RPN1: variants seen among roughly 807,000 people sequenced by gnomAD.
RPN1 encodes dolichyl-diphosphooligosaccharide--protein glycosyltransferase subunit 1.
In RPN1, 12 loss-of-function variants were observed where a neutral mutation model predicts 55.5. The observed-to-expected ratio is 0.22, with a 90% confidence interval of 0.14 to 0.35. RPN1 has a LOEUF of 0.35. Among genes scored for constraint, RPN1 ranks in the 10% least tolerant of loss-of-function variants. RPN1 has a pLI of 1.00. For missense variants in RPN1, 679 were observed against 761.3 expected (o/e 0.89, Z 1.27); for synonymous variants, 317 against 305.9 (o/e 1.04, Z -0.38).
chr3:128,625,815 C>A, intron 7 of RPN1, 59 bp downstream of exon 7: 1 of 1,558,272 alleles, frequency 6.4e-7, no homozygotes, highest in South Asian at 1.2e-5. Flanking sequence ...GAGTTCTTGG[C>A]CCCCAGAGCC....
intron 9 of RPN1, among the ~76,000 whole-genome samples, chr3:128,621,708 A>C (rs968074791): frequency 3.3e-5 from 5 of 152,124 alleles, no homozygotes; most frequent in Non-Finnish European, 4.4e-5. Flanking sequence ...CACACTCAGA[A>C]CCCCTATGAG....
intron 3 of RPN1, among the ~76,000 whole-genome samples, chr3:128,634,102 G>C (rs1057347898): frequency 2.6e-5 from 4 of 151,682 alleles, no homozygotes; most frequent in Non-Finnish European, 5.9e-5. Context: ...AAAGTGGGTA[G>C]ATCACTTGAG....
intron 1 of RPN1, among the ~76,000 whole-genome samples, chr3:128,645,985 C>G (rs2069763886): frequency 6.6e-6 from 1 of 152,148 alleles, no homozygotes. Flanking sequence ...TGGCTCACAC[C>G]TGTAATCCCA....
intron 1 of RPN1, among the ~76,000 whole-genome samples, chr3:128,647,565 A>C (rs1270905990): frequency 6.6e-6 from 1 of 151,958 alleles, no homozygotes; most frequent in East Asian, 1.9e-4. Flanking sequence ...AGTGGTGCGC[A>C]CATGTAGTCC....
At chr3:128,637,561 AT>A (rs2069689850) in intron 3 of RPN1, among the ~76,000 whole-genome samples, 1 of 151,832 alleles carries the variant, frequency 6.6e-6, no homozygotes, top group African/African-American at 2.4e-5. Flanking sequence ...CCTTGCTTCC[AT>A]CTCCAACACC....
chr3:128,642,078 G>T (rs997336876), intron 2 of RPN1, among the ~76,000 whole-genome samples: 2 of 152,152 alleles, frequency 1.3e-5, no homozygotes, highest in African/African-American at 4.8e-5. Flanking sequence ...TATCCAAGAC[G>T]CTACAAGCCA....
chr3:128,630,312 G>GCGT (rs558468027), intron 4 of RPN1, among the ~76,000 whole-genome samples, 169 bp from the exon 5 acceptor site: 38 of 152,306 alleles, frequency 2.5e-4, no homozygotes, highest in Non-Finnish European at 4.6e-4. Flanking sequence ...ACAAAGGTTT[G>GCGT]CGTCGACTTC....
Position 128,620,347 on chromosome 3 carries a change from A to AC in RPN1, c.*63dup. 1 of 1,503,250 alleles carries AC rather than the reference A, an allele frequency of 6.7e-7. No homozygotes were observed. The highest frequency in any genetic ancestry group is 9.0e-7 in the Non-Finnish European group (1 of 1,107,778). 93.1% of individuals were successfully genotyped at this position (1,503,250 alleles called of 1,614,324 possible). A position where few individuals can be genotyped will look rare whatever the true frequency, so the allele number is the denominator to read the frequency against. On this transcript the variant is annotated 3_prime_UTR_variant, in exon 10 of 10. Transcript: ENST00000296255. Reference sequence around the variant, plus strand: ...CCTCCATGCACAACCTCCCACTACCACCCAATCTGCCTGCCACAGCAAAGT... The same window carrying AC: ...CCTCCATGCACAACCTCCCACTACCACCCCAATCTGCCTGCCACAGCAAAGT...
In RPN1 at chr3:128,625,877, A is replaced by T; in HGVS notation, c.1272T>A (p.Ile424=). 6.2e-7 allele frequency: 1 copy of T among 1,609,928 alleles called. No individual in the cohort carries two copies. The highest frequency in any genetic ancestry group is 8.5e-7 in the Non-Finnish European group (1 of 1,178,128). The change falls in exon 7 of 10, where the codon ATT becomes ATA. Residue 424 remains isoleucine, a synonymous_variant. Transcript: ENST00000296255. ...GGCAAACAGTGGAGCCACTCACCAC[A>T]ATGTCCTGAATGTGCTGTTCTACCA... ...KNLVEQHIQD[I]VVHYTFNKVL...
intron 8 of RPN1, among the ~76,000 whole-genome samples, chr3:128,624,544 C>G (rs1015989819): frequency 1.3e-5 from 2 of 151,878 alleles, no homozygotes; most frequent in African/African-American, 2.4e-5. Flanking sequence ...CACAGTTCGG[C>G]TGGATCAACA....
intron 8 of RPN1, 22 bp from the exon 9 acceptor site, chr3:128,622,431 T>C (rs2069567181): frequency 1.2e-6 from 2 of 1,613,204 alleles, no homozygotes; most frequent in Non-Finnish European, 1.7e-6. Context: ...AGAGGCACCA[T>C]GTGTGACAAC....
chr3:128,620,691 C>T, intron 9 of RPN1, 98 bp from the exon 10 acceptor site: 8 of 1,278,796 alleles, frequency 6.3e-6, no homozygotes, highest in Non-Finnish European at 8.7e-6. Flanking sequence ...CAGAGCTCCA[C>T]AGGTATCAGC....
intron 3 of RPN1, among the ~76,000 whole-genome samples, chr3:128,634,531 A>C (rs1401010577): frequency 6.6e-6 from 1 of 151,134 alleles, no homozygotes; most frequent in East Asian, 1.9e-4. Flanking sequence ...CTGACCTCAA[A>C]TCTTCCTTTT....
At chr3:128,630,611 C>CA (rs2069634046) in intron 4 of RPN1, among the ~76,000 whole-genome samples, 1 of 151,936 alleles carries the variant, frequency 6.6e-6, no homozygotes, top group Non-Finnish European at 1.5e-5. Context: ...CACATACTGA[C>CA]CCCTTCTATC....
intron 7 of RPN1, 107 bp downstream of exon 7, chr3:128,625,767 G>C (rs1365684605): frequency 6.4e-7 from 1 of 1,562,914 alleles, no homozygotes; most frequent in Non-Finnish European, 8.7e-7. Flanking sequence ...AAGACGCCAT[G>C]AGCTCAAATG....
At chr3:128,620,646 C>A in intron 9 of RPN1, 53 bp from the exon 10 acceptor site, 1 of 1,561,914 alleles carries the variant, frequency 6.4e-7, no homozygotes, top group Non-Finnish European at 8.7e-7. Context: ...CCACCCCACT[C>A]AGCAGGCCCC....
intron 2 of RPN1, among the ~76,000 whole-genome samples, chr3:128,643,779 G>A (rs1478406009): frequency 6.6e-6 from 1 of 151,204 alleles, no homozygotes; most frequent in Non-Finnish European, 1.5e-5. Context: ...CAGGCAAAGA[G>A]AGCGAAACTC....
chr3:128,631,068 G>A (rs1029610147), intron 4 of RPN1, among the ~76,000 whole-genome samples: 3 of 146,748 alleles, frequency 2.0e-5, no homozygotes, highest in African/African-American at 7.6e-5. Flanking sequence ...AGCCGAGATC[G>A]TGCCACTACA....
rs1273843710 is a variant in RPN1, at chr3:128,632,177, T to C, written c.634-20A>G. Reference sequence around the variant, plus strand: ...AGTATCCTGGAAGGAAGGAAACAAATAGTTCAAAGTTTTGGCAACAGAGAA... The same window carrying C: ...AGTATCCTGGAAGGAAGGAAACAAACAGTTCAAAGTTTTGGCAACAGAGAA... On this transcript the variant is annotated intron_variant, in intron 3 of 9. Transcript: ENST00000296255. The C allele has an allele frequency of 1.2e-6, 2 of 1,612,404 alleles. No individual in the cohort carries two copies. Among genetic ancestry groups the C allele is most frequent in the South Asian group, 2.2e-5 (2 of 91,018 alleles).
Sources: gnomAD v4.1 joint callset for allele counts (sites outside exome capture counted in the v4.1 genomes callset) on GRCh38, gnomAD v4.1.1 for gene constraint, MANE v1.5 for transcripts, NCBI Gene and HGNC (gene_info 2026-07-23, HGNC 2026-07-21) for gene names.